Variants in SLC35F1 observed in about 807,000 individuals in gnomAD.
SLC35F1 encodes solute carrier family 35 member F1.
SLC35F1 carries 14 observed loss-of-function variants against 48.7 expected under a neutral mutation model. The ratio of observed to expected loss-of-function variants is 0.29; its 90% CI spans 0.19 to 0.45. The LOEUF is 0.45. SLC35F1 is among the 20% of genes least tolerant of loss of function. The pLI is 1.00. For synonymous variants in SLC35F1, 190 were observed against 202.2 expected (o/e 0.94, Z 0.51); for missense variants, 404 against 500.0 (o/e 0.81, Z 1.83).
chr6:118,275,379 GCT>G, intron 4 of SLC35F1, 78 bp from the exon 5 acceptor site: 1 of 1,449,416 alleles, frequency 6.9e-7, no homozygotes, highest in Non-Finnish European at 9.3e-7. Context: ...GGCAAGGGAA[GCT>G]CAATTTGCCG....
At chr6:118,155,395 G>A (rs1017653721) in intron 2 of SLC35F1, among the ~76,000 whole-genome samples, 21 of 152,228 alleles carry the variant, frequency 1.4e-4, no homozygotes, top group Middle Eastern at 3.4e-3. Context: ...GGGCTTCACC[G>A]TCCTGAATAG....
intron 1 of SLC35F1, among the ~76,000 whole-genome samples, chr6:118,098,431 G>A (rs1304879758): frequency 1.3e-5 from 2 of 151,688 alleles, no homozygotes; most frequent in Admixed American, 6.6e-5. Flanking sequence ...TTTGAGACAC[G>A]TGGTACTTAG....
chr6:118,091,199 A>T (rs1773068491), intron 1 of SLC35F1, among the ~76,000 whole-genome samples: 2 of 152,200 alleles, frequency 1.3e-5, no homozygotes, highest in African/African-American at 2.4e-5. Flanking sequence ...TTCCTGTTAG[A>T]TATCTCAGTG....
rs375050074 is a variant in SLC35F1, at chr6:118,314,076, G to A, written c.1051G>A (p.Val351Met). 25 of 1,613,980 alleles carry A rather than the reference G, an allele frequency of 1.5e-5. No homozygotes were observed. The African/African-American group carries it at 3.2e-4, about 21-fold the overall frequency. Residue 351 changes from valine (V) to methionine (M), a missense_variant, in exon 8 of 8, where the codon GTG becomes ATG. Coordinates refer to ENST00000360388, the MANE Select transcript of SLC35F1 (RefSeq NM_001029858.4). ...TTTCTTCACCATCCTCATTGGGCTG[G>A]TGCTCTACTCCTCCACCTCCACCTA... The part of the protein sequence containing the change: ...LSFFTILIGL[V>M]LYSSTSTYIA...
Position 118,020,783 on chromosome 6 carries a change from C to T in SLC35F1, c.173+112884C>T, listed in dbSNP as rs554189741. On this transcript the variant is annotated intron_variant, in intron 1 of 7. Coordinates refer to ENST00000360388, the MANE Select transcript of SLC35F1 (RefSeq NM_001029858.4). ...GAAGAGTTGGGCTTGAGTAGGTTCC[C>T]CAAGGATGGATTAGAGAGAGTAAAA... Among the ~76,000 whole-genome samples, 8 of 152,088 alleles carry T rather than the reference C, an allele frequency of 5.3e-5. 1 individual carries two copies. The South Asian group carries it at 1.7e-3, about 32-fold the overall frequency.
At chr6:118,264,837 G>A (rs1020600542) in intron 3 of SLC35F1, among the ~76,000 whole-genome samples, 1 of 152,206 alleles carries the variant, frequency 6.6e-6, no homozygotes, top group Non-Finnish European at 1.5e-5. Context: ...CACTGAAATA[G>A]CATCTGAGGC....
At chr6:118,129,750 G>T (rs1773682876) in intron 1 of SLC35F1, among the ~76,000 whole-genome samples, 1 of 152,124 alleles carries the variant, frequency 6.6e-6, no homozygotes, top group East Asian at 1.9e-4. Context: ...TGATAAATAT[G>T]AATACCAAGT....
intron 1 of SLC35F1, among the ~76,000 whole-genome samples, chr6:118,141,784 A>T (rs1387877633): frequency 6.6e-6 from 1 of 152,106 alleles, no homozygotes; most frequent in Non-Finnish European, 1.5e-5. Context: ...CCATTACGAG[A>T]TGGTTTGTAA....
chr6:118,049,803 G>T (rs1772358276), intron 1 of SLC35F1, among the ~76,000 whole-genome samples: 1 of 151,946 alleles, frequency 6.6e-6, no homozygotes. Flanking sequence ...GGAAGTCAGT[G>T]TGGCGATTCC....
chr6:118,195,919 C>T (rs1263623410), intron 2 of SLC35F1, among the ~76,000 whole-genome samples: 1 of 152,150 alleles, frequency 6.6e-6, no homozygotes, highest in African/African-American at 2.4e-5. Context: ...CGTTAAAGCT[C>T]TACTTCGGAC....
chr6:118,042,694 G>A (rs1772243442), intron 1 of SLC35F1, among the ~76,000 whole-genome samples: 1 of 152,148 alleles, frequency 6.6e-6, no homozygotes. Flanking sequence ...TTGGTCTGTT[G>A]CAATAGTCCA....
intron 1 of SLC35F1, among the ~76,000 whole-genome samples, chr6:117,962,335 G>A (rs565420759): frequency 5.3e-4 from 80 of 152,180 alleles, no homozygotes; most frequent in Non-Finnish European, 1.1e-3. Flanking sequence ...CTTGAGGTGT[G>A]ATGTTTTGCA....
At chr6:118,090,914 G>T (rs1215200827) in intron 1 of SLC35F1, among the ~76,000 whole-genome samples, 1 of 152,180 alleles carries the variant, frequency 6.6e-6, no homozygotes, top group Non-Finnish European at 1.5e-5. Flanking sequence ...GGTGGGCTTG[G>T]ACCAGAGAGG....
chr6:118,286,394 T>C (rs909364653), intron 7 of SLC35F1, among the ~76,000 whole-genome samples: 31 of 152,102 alleles, frequency 2.0e-4, no homozygotes, highest in African/African-American at 7.5e-4. Flanking sequence ...AAAAAGAGCA[T>C]GTACTTGATA....
chr6:118,053,002 A>G (rs1177358429), intron 1 of SLC35F1, among the ~76,000 whole-genome samples: 4 of 152,030 alleles, frequency 2.6e-5, no homozygotes, highest in Non-Finnish European at 5.9e-5. Flanking sequence ...AGTGATTATC[A>G]TTAACTTTGA....
chr6:118,078,741 G>A (rs1772861209), intron 1 of SLC35F1, among the ~76,000 whole-genome samples: 1 of 152,084 alleles, frequency 6.6e-6, no homozygotes, highest in African/African-American at 2.4e-5. Flanking sequence ...ATGGTGTCAA[G>A]GTGCAGAAAG....
chr6:117,929,051 C>T (rs1776065766), intron 1 of SLC35F1, among the ~76,000 whole-genome samples: 1 of 152,248 alleles, frequency 6.6e-6, no homozygotes, highest in Middle Eastern at 3.4e-3. Context: ...GAGATCACCA[C>T]ATCCGGACAA....
chr6:118,200,449 G>T (rs1774860392), intron 2 of SLC35F1, among the ~76,000 whole-genome samples: 1 of 152,152 alleles, frequency 6.6e-6, no homozygotes. Flanking sequence ...GTAATACCCT[G>T]TCCCCTGCCA....
chr6:118,088,758 C>G (rs571471914), intron 1 of SLC35F1, among the ~76,000 whole-genome samples: 1 of 152,254 alleles, frequency 6.6e-6, no homozygotes, highest in Admixed American at 6.5e-5. Flanking sequence ...CCAGACTGAT[C>G]AAGTCTTATC....
Sources: allele counts gnomAD v4.1 joint callset (sites outside exome capture counted in the v4.1 genomes callset), GRCh38; gene constraint gnomAD v4.1.1; transcripts MANE v1.5; gene names NCBI Gene and HGNC (gene_info 2026-07-23, HGNC 2026-07-21).